Variants in TRPM3 observed in about 807,000 individuals in gnomAD.
The protein encoded by TRPM3 is transient receptor potential cation channel subfamily M member 3.
TRPM3 carries 77 observed loss-of-function variants against 181.2 expected under a neutral mutation model. The ratio of observed to expected loss-of-function variants is 0.42; its 90% CI spans 0.35 to 0.51. The LOEUF is 0.51. Among genes scored for constraint, TRPM3 ranks in the 20% least tolerant of loss-of-function variants. The probability of loss-of-function intolerance (pLI) is 0.01; values close to 1 mark genes in which losing one functional copy is unlikely to be tolerated. For synonymous variants in TRPM3, 745 were observed against 796.4 expected (o/e 0.94, Z 1.09); for missense variants, 1,759 against 2,196.7 (o/e 0.80, Z 3.98).
chr9:70,998,434 T>G (rs1034498468), intron 1 of TRPM3, among the ~76,000 whole-genome samples: 1 of 151,984 alleles, frequency 6.6e-6, no homozygotes, highest in Non-Finnish European at 1.5e-5. Context: ...CCCCCACACA[T>G]GCCTTTCTAT....
intron 8 of TRPM3, among the ~76,000 whole-genome samples, chr9:70,690,112 T>A (rs1403151316): frequency 6.6e-6 from 1 of 151,876 alleles, no homozygotes; most frequent in East Asian, 1.9e-4. Flanking sequence ...GATATTAGAG[T>A]GAAAAGCATC....
chr9:71,307,603 G>A (rs138979478), intron 1 of TRPM3, among the ~76,000 whole-genome samples: 1 of 152,168 alleles, frequency 6.6e-6, no homozygotes, highest in African/African-American at 2.4e-5. Context: ...GAGGTTATGT[G>A]TATTATAATT....
At chr9:71,396,659 C>T (rs1443134738) in intron 1 of TRPM3, among the ~76,000 whole-genome samples, 6 of 150,376 alleles carry the variant, frequency 4.0e-5, no homozygotes, top group Non-Finnish European at 8.9e-5. Context: ...TAAAATTCCT[C>T]TTTAAGGAAA....
chr9:70,535,691 C>G lies in TRPM3; in HGVS notation c.*262G>C, dbSNP rs2041547958. The G allele has an allele frequency of 2.1e-6, 3 of 1,435,718 alleles. 1 individual carries two copies. In the South Asian group the frequency reaches 4.6e-5, roughly 22 times the overall value. The allele number at this position is 1,435,718 out of a possible 1,614,324, so 88.9% of individuals were successfully genotyped here. A position where few individuals can be genotyped will look rare whatever the true frequency, so the allele number is the denominator to read the frequency against. On this transcript the variant is annotated 3_prime_UTR_variant, in exon 26 of 26. Transcript: ENST00000677713. ...CTGCGGATACACATTCATCTCTAACCCTTCCTTCTCCCTCTCTTCCCCCTC... is the reference window on the plus strand; with the variant it reads ...CTGCGGATACACATTCATCTCTAACGCTTCCTTCTCCCTCTCTTCCCCCTC...
intron 1 of TRPM3, among the ~76,000 whole-genome samples, chr9:71,008,578 C>T (rs892512870): frequency 1.6e-4 from 24 of 152,194 alleles, no homozygotes; most frequent in African/African-American, 5.3e-4. Flanking sequence ...CGTGGTGGCT[C>T]ATGCTTGTAA....
chr9:70,984,281 C>A (rs1317925177), intron 1 of TRPM3, among the ~76,000 whole-genome samples: 2 of 152,144 alleles, frequency 1.3e-5, no homozygotes, highest in African/African-American at 4.8e-5. Flanking sequence ...AAAAGCATTA[C>A]CCATTCTAAA....
At chr9:70,931,416 C>T (rs188421138) in intron 1 of TRPM3, among the ~76,000 whole-genome samples, 1 of 151,994 alleles carries the variant, frequency 6.6e-6, no homozygotes, top group Admixed American at 6.6e-5. Flanking sequence ...GAAATAAGAA[C>T]GGTCTTACAA....
At chr9:70,951,254 T>C (rs1478252795) in intron 1 of TRPM3, among the ~76,000 whole-genome samples, 1 of 152,224 alleles carries the variant, frequency 6.6e-6, no homozygotes, top group Non-Finnish European at 1.5e-5. Context: ...TTTAAAATTA[T>C]GACATTTTAT....
At chr9:70,890,756 C>T (rs1266385473) in intron 1 of TRPM3, among the ~76,000 whole-genome samples, 1 of 152,102 alleles carries the variant, frequency 6.6e-6, no homozygotes, top group Admixed American at 6.5e-5. Context: ...TCATGGGATG[C>T]TATTGGAAAA....
chr9:70,662,976 T>C (rs1220973199), intron 9 of TRPM3, among the ~76,000 whole-genome samples: 1 of 152,106 alleles, frequency 6.6e-6, no homozygotes, highest in Non-Finnish European at 1.5e-5. Context: ...ATGGCAAAGA[T>C]ATGGAAGCAA....
intron 3 of TRPM3, among the ~76,000 whole-genome samples, chr9:70,859,460 T>C (rs915210490): frequency 6.6e-6 from 1 of 152,196 alleles, no homozygotes; most frequent in East Asian, 1.9e-4. Flanking sequence ...GGTTACTCTG[T>C]CATGTAGGAA....
At chr9:71,356,937 G>C (rs1456825510) in intron 1 of TRPM3, among the ~76,000 whole-genome samples, 1 of 152,138 alleles carries the variant, frequency 6.6e-6, no homozygotes, top group Non-Finnish European at 1.5e-5. Flanking sequence ...TGTAGAGTGA[G>C]TAATCGAGCC....
chr9:71,344,050 T>TAGATTAGATTAGATTAGATTA (rs1554880746), intron 1 of TRPM3, among the ~76,000 whole-genome samples: 2 of 149,360 alleles, frequency 1.3e-5, no homozygotes, highest in African/African-American at 5.0e-5. Flanking sequence ...TAGATTAGAT[T>TAGATTAGATTAGATTAGATTA]GATAGATAGA....
At chr9:70,555,955 G>A (rs529058183) in intron 22 of TRPM3, among the ~76,000 whole-genome samples, 1 of 152,314 alleles carries the variant, frequency 6.6e-6, no homozygotes, top group South Asian at 2.1e-4. Flanking sequence ...TATTCTGAGA[G>A]AATACAAAAT....
chr9:70,685,678 A>G (rs1484583842), intron 8 of TRPM3, among the ~76,000 whole-genome samples: 1 of 152,174 alleles, frequency 6.6e-6, no homozygotes, highest in Non-Finnish European at 1.5e-5. Flanking sequence ...AAGTGTTGGG[A>G]TTACAGGCAT....
chr9:71,294,433 C>T (rs2086085224), intron 1 of TRPM3, among the ~76,000 whole-genome samples: 2 of 152,072 alleles, frequency 1.3e-5, no homozygotes, highest in African/African-American at 4.8e-5. Flanking sequence ...CATTTCACAC[C>T]TGCCAGACTG....
At chr9:71,227,145 C>G (rs1237192663) in intron 1 of TRPM3, among the ~76,000 whole-genome samples, 1 of 140,930 alleles carries the variant, frequency 7.1e-6, no homozygotes, top group East Asian at 2.1e-4. Flanking sequence ...AGAAATATAT[C>G]AAGTAACTTC....
intron 9 of TRPM3, among the ~76,000 whole-genome samples, chr9:70,642,651 G>C (rs571083217): frequency 2.0e-5 from 3 of 152,324 alleles, no homozygotes; most frequent in South Asian, 4.1e-4. Context: ...CCAATGTCCA[G>C]AGGCTGGGAA....
chr9:71,400,914 A>G lies in TRPM3; in HGVS notation c.183+45739T>C, dbSNP rs151268885. On this transcript the variant is annotated intron_variant, in intron 1 of 24. Coordinates refer to the TRPM3 transcript ENST00000357533. ...CCAAACACACATTTATTAAGAATCAATTACTGGGTACAGTGGCTCATGCCT... is the reference window on the plus strand; with the variant it reads ...CCAAACACACATTTATTAAGAATCAGTTACTGGGTACAGTGGCTCATGCCT... Among the ~76,000 whole-genome samples the G allele has an allele frequency of 3.0e-3, 455 of 152,110 alleles. 1 individual carries two copies. The highest frequency in any genetic ancestry group is 0.01 in the Middle Eastern group (3 of 294).
Sources: allele counts gnomAD v4.1 joint callset (sites outside exome capture counted in the v4.1 genomes callset), GRCh38; gene constraint gnomAD v4.1.1; transcripts MANE v1.5; gene names NCBI Gene and HGNC (gene_info 2026-07-23, HGNC 2026-07-21).